Variants in MYOM3 observed in about 807,000 individuals in gnomAD.
MYOM3 encodes the protein myomesin 3.
MYOM3 carries 155 observed loss-of-function variants against 191.7 expected under a neutral mutation model. The observed-to-expected ratio is 0.81, with a 90% CI of 0.71 to 0.92. The LOEUF (loss-of-function observed/expected upper bound fraction) is 0.92. MYOM3 is among the 40% of genes least tolerant of loss of function. The probability of loss-of-function intolerance (pLI) is 0.00; values close to 1 mark genes in which losing one functional copy is unlikely to be tolerated. For synonymous variants in MYOM3, 757 were observed against 762.9 expected (o/e 0.99, Z 0.13); for missense variants, 1,889 against 1,890.6 (o/e 1.00, Z 0.02).
chr1:24,064,427 A>G (rs1333929404), intron 29 of MYOM3, among the ~76,000 whole-genome samples: 2 of 152,086 alleles, frequency 1.3e-5, no homozygotes, highest in Admixed American at 6.5e-5. Flanking sequence ...ACAGAACCAG[A>G]CACCTTCGTT....
At chr1:24,105,790 T>C in intron 5 of MYOM3, 130 bp downstream of exon 5, 1 of 938,888 alleles carries the variant, frequency 1.1e-6, no homozygotes, top group South Asian at 2.0e-5. Flanking sequence ...CAGCAGCTGC[T>C]CTATTCGGTG....
Position 24,092,983 on chromosome 1 carries a change from C to T in MYOM3, c.1054G>A (p.Gly352Arg), listed in dbSNP as rs200842709. ...LYMVRVPSPF[G>R]PREQSTYVLV... ...ACGTAGGTGCTCTGTTCCCGGGGTC[C>T]GAAGGGCGAGGGCACCCGGACCATG... is the stretch of plus-strand genomic sequence containing the variant. Residue 352 changes from glycine (G) to arginine (R), a missense_variant, in exon 10 of 37, where the codon GGA becomes AGA. Gly to Arg is a moderately radical substitution (Grantham distance 125). Coordinates refer to ENST00000374434, the MANE Select transcript of MYOM3 (RefSeq NM_152372.4). The T allele has an allele frequency of 5.8e-5, 93 of 1,607,150 alleles. No individual in the cohort carries two copies. The highest frequency in any genetic ancestry group is 8.9e-5 in the South Asian group (8 of 90,032).
intron 27 of MYOM3, 151 bp from the exon 28 acceptor site, chr1:24,067,239 G>A (rs11249090): frequency 0.56 from 321,982 of 576,674 alleles, 91,148 homozygotes; most frequent in East Asian, 0.63. Flanking sequence ...GGGTGAGGCA[G>A]GGGCGGTGCT....
At chr1:24,093,178 TG>T (rs1643861695) in intron 9 of MYOM3, 70 bp from the exon 10 acceptor site, 8 of 964,148 alleles carry the variant, frequency 8.3e-6, no homozygotes, top group Middle Eastern at 4.3e-4. Context: ...CCACAGAAAC[TG>T]GGGGGTCTGG....
chr1:24,110,496 C>T (rs1426730932), intron 1 of MYOM3, among the ~76,000 whole-genome samples: 1 of 152,102 alleles, frequency 6.6e-6, no homozygotes, highest in African/African-American at 2.4e-5. Flanking sequence ...GAGCCGTTGG[C>T]CTGGAAGGGG....
At chr1:24,068,583 CAG>C (rs1163789681) in intron 25 of MYOM3, among the ~76,000 whole-genome samples, 2 of 152,076 alleles carry the variant, frequency 1.3e-5, no homozygotes, top group Admixed American at 6.6e-5. Context: ...TTTTTTGAGA[CAG>C]AGTCTCACTC....
chr1:24,090,055 T>A lies in MYOM3; in HGVS notation c.1486+10A>T. On this transcript the variant is annotated intron_variant, in intron 13 of 36. Coordinates refer to ENST00000374434, the MANE Select transcript of MYOM3 (RefSeq NM_152372.4). The stretch of plus-strand genomic sequence containing the variant: ...ACAGGAGGCCCAGTGTGTGGGAGGA[T>A]CCCGCGTACCTTCAAAAGCGTCTGT... The A allele has an allele frequency of 1.9e-6, 3 of 1,613,566 alleles. No individual in the cohort carries two copies. The highest frequency in any genetic ancestry group is 2.5e-6 in the Non-Finnish European group (3 of 1,179,530).
chr1:24,092,439 A>C (rs1643850710), intron 10 of MYOM3, 124 bp from the exon 11 acceptor site: 1 of 833,328 alleles, frequency 1.2e-6, no homozygotes, highest in Non-Finnish European at 1.6e-6. Flanking sequence ...GATCTTGAGG[A>C]CTGGGGCCTG....
At position 24,082,670 on chromosome 1, in the gene MYOM3, C is replaced by G. The variant is rs750814730; in HGVS notation, c.2015G>C (p.Cys672Ser). 1 of 1,612,656 alleles carries G rather than the reference C, an allele frequency of 6.2e-7. No homozygotes were observed. The highest frequency in any genetic ancestry group is 1.1e-5 in the South Asian group (1 of 90,694). Residue 672 changes from cysteine to serine, a missense_variant, in exon 17 of 37, where the codon TGT becomes TCT. Transcript: ENST00000374434. ...CCCAGCCTCGCTGACTGACCTGACA[C>G]AAAACTCGTACTCCTTCCCCGTCCT... ...GLRTGKEYEF[C>S]VRSVSEAGVG...
Position 24,068,277 on chromosome 1 carries a change from G to C in MYOM3, c.3241C>G (p.Gln1081Glu). 1 of 1,614,168 alleles carries C rather than the reference G, an allele frequency of 6.2e-7. No homozygotes were observed. Among genetic ancestry groups the C allele is most frequent in the Non-Finnish European group, 8.5e-7 (1 of 1,180,014 alleles). The change falls in exon 26 of 37, where the codon CAA becomes GAA. Residue 1081 changes from glutamine to glutamate, a missense_variant. Physicochemically the swap from Gln to Glu is conservative, Grantham distance 29. Coordinates refer to ENST00000374434, the MANE Select transcript of MYOM3 (RefSeq NM_152372.4). The part of the protein sequence containing the change: ...SEEDKGSYTA[Q>E]LQDGKAKNQI... ...TTTTTGGCTTTTCCATCTTGGAGTT[G>C]AGCGGTGTACGACCCTTTGTCCTCC...
rs562167379 is a variant in MYOM3, at chr1:24,070,148, A to G, written c.3150+969T>C. Among the ~76,000 whole-genome samples the G allele has an allele frequency of 3.9e-5, 6 of 152,330 alleles. No homozygotes were observed. The South Asian group carries it at 1.2e-3, about 32-fold the overall frequency. ...GAAATAAGTCGTTTAAAATAAAAAT[A>G]TTTCAATATATAGGTGCTTGGATAT... is the stretch of plus-strand genomic sequence containing the variant. On this transcript the variant is annotated intron_variant, in intron 25 of 36. Coordinates refer to ENST00000374434, the MANE Select transcript of MYOM3 (RefSeq NM_152372.4).
chr1:24,089,923 A>G, intron 13 of MYOM3, 142 bp downstream of exon 13: 1 of 867,840 alleles, frequency 1.2e-6, no homozygotes, highest in South Asian at 1.6e-5. Context: ...TGACCCCAGC[A>G]CTCTGACTGC....
chr1:24,108,167 C>T (rs1570891176), intron 2 of MYOM3, 94 bp from the exon 3 acceptor site: 1 of 1,204,898 alleles, frequency 8.3e-7, no homozygotes, highest in African/African-American at 1.5e-5. Context: ...AGCCTCAGGG[C>T]ACCAGCAGGC....
chr1:24,057,755 T>G, intron 36 of MYOM3, 128 bp from the exon 37 acceptor site: 1 of 689,826 alleles, frequency 1.4e-6, no homozygotes, highest in Non-Finnish European at 2.4e-6. Context: ...TGTGTTTTAT[T>G]ATAATTTATA....
chr1:24,092,476 A>G lies in MYOM3; in HGVS notation c.1091-161T>C, dbSNP rs1283662681. On this transcript the variant is annotated intron_variant, in intron 10 of 36. Coordinates refer to ENST00000374434, the MANE Select transcript of MYOM3 (RefSeq NM_152372.4). ...ATATTAGTCCCACTACCCCCATAGC[A>G]GTATCTGAGGGAAGGATGACAGTAC... Among the ~76,000 whole-genome samples, 3 of 152,122 alleles carry G rather than the reference A, an allele frequency of 2.0e-5. No homozygotes were observed. In the East Asian group the frequency reaches 5.8e-4, roughly 29 times the overall value.
chr1:24,108,065 T>C lies in MYOM3; in HGVS notation c.170A>G (p.Glu57Gly), dbSNP rs1205041740. The C allele has an allele frequency of 1.2e-6, 2 of 1,613,544 alleles. No homozygotes were observed. The highest frequency in any genetic ancestry group is 1.7e-6 in the Non-Finnish European group (2 of 1,179,760). ...GTAGTCCGCGGCGCTGAACTCATGCTCTTCTTCGCTGCTCCCAGAAGGAGG... is the reference window on the plus strand; with the variant it reads ...GTAGTCCGCGGCGCTGAACTCATGCCCTTCTTCGCTGCTCCCAGAAGGAGG... Reference protein sequence around the residue: ...RRRTFRSSEEEHEFSAADYAL... With the variant: ...RRRTFRSSEEGHEFSAADYAL... Residue 57 changes from glutamate (E) to glycine (G), a missense_variant, in exon 3 of 37, where the codon GAG (glutamate) becomes GGG (glycine). Physicochemically the swap from Glu to Gly is moderately conservative, Grantham distance 98 (BLOSUM62 -2). Coordinates refer to ENST00000374434, the MANE Select transcript of MYOM3 (RefSeq NM_152372.4).
intron 35 of MYOM3, among the ~76,000 whole-genome samples, chr1:24,059,332 G>C (rs1046367088): frequency 1.5e-4 from 23 of 152,118 alleles, no homozygotes; most frequent in Non-Finnish European, 2.6e-4. Context: ...ACGGGGTTTC[G>C]CCATGTTGCC....
chr1:24,064,042 C>T, intron 30 of MYOM3, 30 bp downstream of exon 30: 1 of 1,566,114 alleles, frequency 6.4e-7, no homozygotes, highest in South Asian at 1.1e-5. Flanking sequence ...GTGCTCCCTC[C>T]ACAGCCCCTG....
intron 15 of MYOM3, 134 bp downstream of exon 15, chr1:24,086,510 A>G (rs1358213272): frequency 6.8e-6 from 6 of 882,100 alleles, no homozygotes; most frequent in Non-Finnish European, 1.0e-5. Flanking sequence ...GCCTGAGATC[A>G]AATTGCTTTT....
Sources: gnomAD v4.1 joint callset for allele counts (sites outside exome capture counted in the v4.1 genomes callset) on GRCh38, gnomAD v4.1.1 for gene constraint, MANE v1.5 for transcripts, NCBI Gene and HGNC (gene_info 2026-07-23, HGNC 2026-07-21) for gene names.